Variants in KDM4B observed in about 807,000 individuals in gnomAD.
The protein encoded by KDM4B is lysine-specific demethylase 4B.
KDM4B carries 32 observed loss-of-function variants against 125.2 expected under a neutral mutation model. That is an observed-to-expected ratio of 0.26 (90% CI 0.19 to 0.34). The LOEUF (loss-of-function observed/expected upper bound fraction) is 0.34. Ranked by LOEUF, KDM4B falls within the 10% of genes least tolerant of loss-of-function variation. The pLI, the probability that KDM4B is intolerant of heterozygous loss-of-function variation, is 1.00. For missense variants in KDM4B, 1,190 were observed against 1,577.7 expected (o/e 0.75, Z 4.16); for synonymous variants, 721 against 677.9 (o/e 1.06, Z -0.99).
Position 5,092,551 on chromosome 19 carries a change from G to A in KDM4B, c.918+10047G>A, listed in dbSNP as rs375146866. On this transcript the variant is annotated intron_variant, in intron 9 of 22. Coordinates refer to ENST00000159111, the MANE Select transcript of KDM4B (RefSeq NM_015015.3). ...GCTTTTCTAGACCGAGGCTCGTGGT[G>A]TGGCTCGAGGGCCTTTGCCAGCTCG... 2.0e-4 allele frequency among the ~76,000 whole-genome samples: 31 copies of A among 152,362 alleles called. No individual in the cohort carries two copies. In the East Asian group the frequency reaches 4.4e-3, roughly 22 times the overall value.
At chr19:5,008,542 C>T (rs2035629623) in intron 1 of KDM4B, among the ~76,000 whole-genome samples, 1 of 151,892 alleles carries the variant, frequency 6.6e-6, no homozygotes, top group South Asian at 2.1e-4. Context: ...AGTTGAGATC[C>T]AGAAAACCCT....
chr19:5,149,860 C>T (rs560530506), intron 21 of KDM4B, among the ~76,000 whole-genome samples: 270 of 152,318 alleles, frequency 1.8e-3, no homozygotes, highest in Middle Eastern at 3.4e-3. Context: ...TTTCAGAGGG[C>T]CACACATAAG....
At chr19:5,056,347 C>T (rs939080243) in intron 6 of KDM4B, among the ~76,000 whole-genome samples, 4 of 152,082 alleles carry the variant, frequency 2.6e-5, no homozygotes, top group Non-Finnish European at 2.9e-5. Context: ...GGCACTCCCC[C>T]GCTTTCCATG....
At chr19:4,985,461 G>C (rs767676190) in intron 1 of KDM4B, among the ~76,000 whole-genome samples, 13 of 152,254 alleles carry the variant, frequency 8.5e-5, no homozygotes, top group Non-Finnish European at 1.2e-4. Context: ...CCAGGCGGCT[G>C]GTTTAGAGGT....
chr19:5,123,093 G>A (rs1300488757), intron 11 of KDM4B, among the ~76,000 whole-genome samples: 1 of 152,252 alleles, frequency 6.6e-6, no homozygotes, highest in Non-Finnish European at 1.5e-5. Flanking sequence ...TCGATGGAGA[G>A]GGACGGGGAA....
At chr19:5,005,024 C>T (rs921790086) in intron 1 of KDM4B, among the ~76,000 whole-genome samples, 1 of 152,204 alleles carries the variant, frequency 6.6e-6, no homozygotes, top group Admixed American at 6.5e-5. Flanking sequence ...ACCTGTGTAG[C>T]GTCTTCCTTT....
intron 10 of KDM4B, 70 bp downstream of exon 10, chr19:5,110,888 C>A: frequency 7.8e-7 from 1 of 1,285,268 alleles, no homozygotes; most frequent in Non-Finnish European, 1.0e-6. Context: ...GTGGCCCAGG[C>A]CCCTTCCCAC....
intron 1 of KDM4B, among the ~76,000 whole-genome samples, chr19:4,980,892 AATACAGGC>A (rs2034615554): frequency 2.7e-5 from 4 of 148,052 alleles, no homozygotes; most frequent in African/African-American, 1.1e-4. Flanking sequence ...CACCATGCAG[AATACAGGC>A]CGAGATGGCC....
At chr19:4,978,740 C>T (rs373562080) in intron 1 of KDM4B, among the ~76,000 whole-genome samples, 2 of 152,110 alleles carry the variant, frequency 1.3e-5, no homozygotes, top group East Asian at 1.9e-4. Flanking sequence ...CTCAGGGGCG[C>T]GGGAGGAGGG....
intron 5 of KDM4B, among the ~76,000 whole-genome samples, chr19:5,043,218 A>T (rs2036882216): frequency 7.3e-6 from 1 of 136,566 alleles, no homozygotes; most frequent in African/African-American, 2.9e-5. Flanking sequence ...TGTCCACCTT[A>T]TCCCACTCTG....
rs779645231 is a variant in KDM4B, at chr19:5,114,195, A to G, written c.1115+3377A>G. The G allele has an allele frequency of 6.2e-6, 8 of 1,289,716 alleles. No individual in the cohort carries two copies. The South Asian group carries it at 9.9e-5, about 16-fold the overall frequency. 79.9% of individuals were successfully genotyped at this position (1,289,716 alleles called of 1,614,324 possible). A position where few individuals can be genotyped will look rare whatever the true frequency, so the allele number is the denominator to read the frequency against. On this transcript the variant is annotated intron_variant, in intron 10 of 22. Transcript: ENST00000159111. This position sits in a 1 kb window ranked among gnomAD's most constrained non-coding sequence, Gnocchi z 5.8. Reference sequence around the variant, plus strand: ...TCCATGCAAACTCTTTCCACGCGAGAAGCGCCATGTGCACGTGCTCCAGCA... The same window carrying G: ...TCCATGCAAACTCTTTCCACGCGAGGAGCGCCATGTGCACGTGCTCCAGCA...
chr19:5,115,762 G>A lies in KDM4B; in HGVS notation c.1116-3891G>A, dbSNP rs920557134. Among the ~76,000 whole-genome samples the A allele has an allele frequency of 2.6e-5, 4 of 152,208 alleles. No individual in the cohort carries two copies. The highest frequency in any genetic ancestry group is 1.3e-4 in the Admixed American group (2 of 15,290). ...TGTGAAGAAGAAACATTCCAGGAAC[G>A]AGTGGCTCTCGGATGTTACCATCTA... On this transcript the variant is annotated intron_variant, in intron 10 of 22. Coordinates refer to ENST00000159111, the MANE Select transcript of KDM4B (RefSeq NM_015015.3). This position sits in a 1 kb window ranked among gnomAD's most constrained non-coding sequence, Gnocchi z 4.2.
chr19:5,027,070 G>A (rs1019360600), intron 2 of KDM4B, among the ~76,000 whole-genome samples: 11 of 152,218 alleles, frequency 7.2e-5, no homozygotes, highest in South Asian at 2.1e-4. Context: ...CCAGAGTCCC[G>A]TGAGCGGGAG....
chr19:5,073,604 G>A (rs1022392439), intron 7 of KDM4B, among the ~76,000 whole-genome samples: 3 of 152,238 alleles, frequency 2.0e-5, no homozygotes, highest in African/African-American at 7.2e-5. Context: ...GGAGCCTGCT[G>A]GAGAGGCCAC....
chr19:5,085,041 A>G (rs1270112160), intron 9 of KDM4B, among the ~76,000 whole-genome samples: 1 of 152,122 alleles, frequency 6.6e-6, no homozygotes, highest in African/African-American at 2.4e-5. Context: ...CTACTGGGAA[A>G]ATGGAGGCAG....
At chr19:4,970,185 G>T (rs943546190) in intron 1 of KDM4B, among the ~76,000 whole-genome samples, 6 of 152,196 alleles carry the variant, frequency 3.9e-5, no homozygotes, top group African/African-American at 1.4e-4. Context: ...GGGCACGGTG[G>T]AAGGTTTTAA....
In KDM4B at chr19:5,119,868, G is replaced by A. The variant is rs1270722144; in HGVS notation, c.1315+16G>A. 2 of 1,543,998 alleles carry A rather than the reference G, an allele frequency of 1.3e-6. No homozygotes were observed. The highest frequency in any genetic ancestry group is 2.7e-5 in the African/African-American group (2 of 73,034). ...GGCGCAGAAGGTCAGTCCCTGCCGGGCCAGGCCTGGCACCGCTGTTTTCCC... is the reference window on the plus strand; with the variant it reads ...GGCGCAGAAGGTCAGTCCCTGCCGGACCAGGCCTGGCACCGCTGTTTTCCC... On this transcript the variant is annotated intron_variant, in intron 11 of 22. Coordinates refer to ENST00000159111, the MANE Select transcript of KDM4B (RefSeq NM_015015.3).
At chr19:5,111,064 C>T (rs571264215) in intron 10 of KDM4B, among the ~76,000 whole-genome samples, 2 of 152,324 alleles carry the variant, frequency 1.3e-5, no homozygotes, top group South Asian at 4.1e-4. Context: ...TGGCGGGCAG[C>T]GTCTGTGCCG....
Position 5,023,301 on chromosome 19 carries a change from A to G in KDM4B, c.-26+6962A>G, listed in dbSNP as rs150792240. Among the ~76,000 whole-genome samples, 983 of 152,302 alleles carry G rather than the reference A, an allele frequency of 6.5e-3. 10 individuals carry two copies. The highest frequency in any genetic ancestry group is 0.022 in the African/African-American group (928 of 41,566). On this transcript the variant is annotated intron_variant, in intron 2 of 22. Transcript: ENST00000159111. ...TCTCTTTCCTGCCTGAGGGCCCTTTATGTAGATCAGACCAGAGACAAGTGA... is the reference window on the plus strand; with the variant it reads ...TCTCTTTCCTGCCTGAGGGCCCTTTGTGTAGATCAGACCAGAGACAAGTGA...
Sources: allele counts gnomAD v4.1 joint callset (sites outside exome capture counted in the v4.1 genomes callset), GRCh38; gene constraint gnomAD v4.1.1; non-coding constraint Gnocchi (gnomAD v3.1); transcripts MANE v1.5; gene names NCBI Gene and HGNC (gene_info 2026-07-23, HGNC 2026-07-21).